RPS6KC1: variants seen among roughly 807,000 people sequenced by gnomAD.
RPS6KC1 encodes the protein inactive ribosomal protein S6 kinase delta-1.
A neutral mutation model predicts 103.8 loss-of-function variants in RPS6KC1; 54 were observed. The ratio of observed to expected loss-of-function variants is 0.52; its 90% CI spans 0.42 to 0.65. The LOEUF is 0.65. Ranked by LOEUF, RPS6KC1 falls within the 30% of genes least tolerant of loss-of-function variation. The pLI is 0.00. For missense variants in RPS6KC1, 1,151 were observed against 1,253.8 expected (o/e 0.92, Z 1.24); for synonymous variants, 439 against 438.7 (o/e 1.00, Z -0.01).
the RPS6KC1 span, among the ~76,000 whole-genome samples, chr1:213,823,687 G>A: frequency 1.4e-5 from 2 of 147,800 alleles, no homozygotes; most frequent in Admixed American, 6.8e-5. Flanking sequence ...TTTATTCTTC[G>A]TGCAGTGACC....
the RPS6KC1 span, among the ~76,000 whole-genome samples, chr1:213,759,485 T>C: frequency 1.3e-5 from 2 of 152,236 alleles, no homozygotes; most frequent in Non-Finnish European, 2.9e-5. Context: ...TCATTCACTA[T>C]GGGCCACCCT....
At chr1:213,473,223 T>G in the RPS6KC1 span, among the ~76,000 whole-genome samples, 1 of 152,182 alleles carries the variant, frequency 6.6e-6, no homozygotes, top group Non-Finnish European at 1.5e-5. Context: ...CCAACACCAA[T>G]CAAGCTTCCC....
the RPS6KC1 span, among the ~76,000 whole-genome samples, chr1:213,856,928 G>A: frequency 6.6e-6 from 1 of 152,158 alleles, no homozygotes; most frequent in Admixed American, 6.5e-5. Flanking sequence ...AACAACATAA[G>A]CTAGCTCATG....
the RPS6KC1 span, among the ~76,000 whole-genome samples, chr1:213,487,832 T>C: frequency 2.0e-5 from 3 of 152,132 alleles, no homozygotes; most frequent in Non-Finnish European, 4.4e-5. Flanking sequence ...GTGGTAAGAA[T>C]ATGATGTTAT....
intron 8 of RPS6KC1, among the ~76,000 whole-genome samples, chr1:213,227,284 C>T (rs993590541): frequency 4.6e-5 from 7 of 152,132 alleles, no homozygotes; most frequent in East Asian, 1.9e-4. Context: ...ATTCCCATGT[C>T]GTCATCTACC....
chr1:213,642,534 A>C, the RPS6KC1 span, among the ~76,000 whole-genome samples: 2 of 152,064 alleles, frequency 1.3e-5, no homozygotes, highest in South Asian at 2.1e-4. Context: ...TAATGCTTGC[A>C]TTGTTTGCTT....
the RPS6KC1 span, among the ~76,000 whole-genome samples, chr1:213,350,894 A>G: frequency 6.6e-6 from 1 of 152,170 alleles, no homozygotes; most frequent in Non-Finnish European, 1.5e-5. Flanking sequence ...ACACACGTAT[A>G]TAAAATTTTG....
chr1:213,531,555 G>A, the RPS6KC1 span, among the ~76,000 whole-genome samples: 1 of 152,218 alleles, frequency 6.6e-6, no homozygotes, highest in Non-Finnish European at 1.5e-5. Context: ...GGAGCTCAGT[G>A]ACATAACCAG....
intron 6 of RPS6KC1, among the ~76,000 whole-genome samples, chr1:213,135,772 C>T (rs1321614945): frequency 2.0e-5 from 3 of 152,294 alleles, no homozygotes; most frequent in African/African-American, 7.2e-5. Context: ...CAGGAAGTGT[C>T]TGCCAATAGG....
At chr1:213,852,290 C>T in the RPS6KC1 span, among the ~76,000 whole-genome samples, 3 of 152,158 alleles carry the variant, frequency 2.0e-5, no homozygotes, top group African/African-American at 7.2e-5. Flanking sequence ...AAACTTCTGC[C>T]CACATCCTGT....
At chr1:213,594,303 A>G in the RPS6KC1 span, among the ~76,000 whole-genome samples, 1 of 152,262 alleles carries the variant, frequency 6.6e-6, no homozygotes, top group African/African-American at 2.4e-5. Context: ...ATCAGATTTC[A>G]AAGATTTAGC....
At chr1:213,059,949 G>C (rs1312893876) in intron 1 of RPS6KC1, among the ~76,000 whole-genome samples, 1 of 152,122 alleles carries the variant, frequency 6.6e-6, no homozygotes, top group Non-Finnish European at 1.5e-5. Flanking sequence ...GGGATTACAG[G>C]CGTGAGCCAC....
chr1:213,082,271 G>GA (rs201772280), intron 3 of RPS6KC1, among the ~76,000 whole-genome samples: 139 of 148,550 alleles, frequency 9.4e-4, no homozygotes, highest in Non-Finnish European at 1.5e-3. Flanking sequence ...ATACAAAAAA[G>GA]AAAAAAAAAA....
At chr1:213,351,726 A>G in the RPS6KC1 span, among the ~76,000 whole-genome samples, 1 of 152,182 alleles carries the variant, frequency 6.6e-6, no homozygotes, top group Non-Finnish European at 1.5e-5. Context: ...TAAAATTGCC[A>G]GAGGTGACTT....
the RPS6KC1 span, among the ~76,000 whole-genome samples, chr1:213,691,709 C>G: frequency 6.6e-6 from 1 of 152,072 alleles, no homozygotes; most frequent in Admixed American, 6.6e-5. Flanking sequence ...ATTGTGTTTT[C>G]TTCTAGTATT....
the RPS6KC1 span, among the ~76,000 whole-genome samples, chr1:213,424,162 T>C: frequency 6.6e-6 from 1 of 152,320 alleles, no homozygotes; most frequent in East Asian, 1.9e-4. Context: ...GCAAGACCAA[T>C]TGAAGTGAGA....
the RPS6KC1 span, among the ~76,000 whole-genome samples, chr1:213,633,874 CAAAAAAAAAAAAAAAAAAAA>C: frequency 8.0e-3 from 66 of 8,276 alleles, no homozygotes; most frequent in South Asian, 0.08. Flanking sequence ...AAATGGAAAG[CAAAAAAAAAAAAAAAAAAAA>C]AAAAAAAAAA....
chr1:213,490,875 G>A, the RPS6KC1 span, among the ~76,000 whole-genome samples: 1 of 152,148 alleles, frequency 6.6e-6, no homozygotes, highest in African/African-American at 2.4e-5. Flanking sequence ...ATGGCTGCAT[G>A]GATAGGACCT....
chr1:213,678,349 C>T, the RPS6KC1 span, among the ~76,000 whole-genome samples: 1 of 152,224 alleles, frequency 6.6e-6, no homozygotes, highest in South Asian at 2.1e-4. Flanking sequence ...TTATTGGCTT[C>T]TTAAGCCCAA....
Sources: allele counts gnomAD v4.1 joint callset (sites outside exome capture counted in the v4.1 genomes callset), GRCh38; gene constraint gnomAD v4.1.1; transcripts MANE v1.5; gene names NCBI Gene and HGNC (gene_info 2026-07-23, HGNC 2026-07-21).